Variants in NME9 observed in about 807,000 individuals in gnomAD.
NME9 encodes the protein thioredoxin domain-containing protein 6.
In NME9, 48 loss-of-function variants were observed where a neutral mutation model predicts 44.4. The ratio of observed to expected loss-of-function variants is 1.08; its 90% CI spans 0.86 to 1.37. The LOEUF (loss-of-function observed/expected upper bound fraction) is 1.37, where lower values mean the gene tolerates loss of function less well. NME9 is among the 40% of genes most tolerant of loss of function. NME9 has a pLI of 0.00. For synonymous variants in NME9, 139 were observed against 147.1 expected (o/e 0.94, Z 0.40); for missense variants, 325 against 405.2 (o/e 0.80, Z 1.70).
intron 7 of NME9, 126 bp from the exon 8 acceptor site, chr3:138,306,222 C>A (rs1353612377): frequency 1.4e-5 from 12 of 833,314 alleles, no homozygotes; most frequent in Non-Finnish European, 2.4e-5. Context: ...CACTGATCCC[C>A]ACATTATCTG....
intron 1 of NME9, among the ~76,000 whole-genome samples, chr3:138,326,594 C>T (rs915033445): frequency 6.6e-6 from 1 of 151,744 alleles, no homozygotes; most frequent in African/African-American, 2.4e-5. Context: ...CTACCACACC[C>T]GGGTAATTTT....
chr3:138,317,400 G>A (rs985939176), intron 4 of NME9, among the ~76,000 whole-genome samples: 1 of 152,192 alleles, frequency 6.6e-6, no homozygotes, highest in Admixed American at 6.5e-5. Flanking sequence ...CTACAATGAG[G>A]GGCTGGTCTC....
intron 8 of NME9, among the ~76,000 whole-genome samples, chr3:138,274,071 G>T (rs1560028856): frequency 6.6e-6 from 1 of 152,080 alleles, no homozygotes; most frequent in East Asian, 1.9e-4. Context: ...GCCCACCTCG[G>T]CCCCCCAAAG....
chr3:138,267,163 A>G, intron 8 of NME9: 2 of 1,559,912 alleles, frequency 1.3e-6, no homozygotes, highest in South Asian at 1.2e-5. Flanking sequence ...AGGTTTTACA[A>G]AATGCACCAG....
chr3:138,281,445 A>C (rs2049920190), intron 8 of NME9, among the ~76,000 whole-genome samples: 1 of 152,060 alleles, frequency 6.6e-6, no homozygotes, highest in Non-Finnish European at 1.5e-5. Flanking sequence ...GGCATGCGCC[A>C]CCACACCCAG....
At chr3:138,275,843 T>A (rs957881210) in intron 8 of NME9, among the ~76,000 whole-genome samples, 12 of 152,172 alleles carry the variant, frequency 7.9e-5, no homozygotes, top group Non-Finnish European at 1.3e-4. Context: ...TCTCTTAAAA[T>A]TTTTTTTAAA....
At chr3:138,275,477 T>C (rs142709978) in intron 8 of NME9, among the ~76,000 whole-genome samples, 2,383 of 152,118 alleles carry the variant, frequency 0.016, 27 homozygotes, top group Non-Finnish European at 0.025. Flanking sequence ...GAGAATGGCG[T>C]GAACCTGGGA....
chr3:138,299,967 C>T (rs2051755232), downstream of NME9, among the ~76,000 whole-genome samples: 1 of 152,158 alleles, frequency 6.6e-6, no homozygotes, highest in Non-Finnish European at 1.5e-5. Context: ...GTGTGGAAGC[C>T]CAGGCATAGG....
chr3:138,286,716 C>G lies in NME9; in HGVS notation c.745+16791G>C, dbSNP rs139157925. On this transcript the variant is annotated intron_variant, in intron 8 of 8. Coordinates refer to the NME9 transcript ENST00000317876. The stretch of plus-strand genomic sequence containing the variant: ...TTTTAAGATCACTGGGTGGTTCTTA[C>G]GTACAGACAGAGTTGAGAACCATTG... 1.6e-4 allele frequency among the ~76,000 whole-genome samples: 25 copies of G among 152,072 alleles called. No individual in the cohort carries two copies. The East Asian group carries it at 4.1e-3, about 25-fold the overall frequency.
intron 8 of NME9, among the ~76,000 whole-genome samples, chr3:138,280,800 G>A (rs1217323265): frequency 6.6e-6 from 1 of 151,584 alleles, no homozygotes; most frequent in Non-Finnish European, 1.5e-5. Flanking sequence ...CCAACTTTTT[G>A]TATTTTTAAT....
At chr3:138,280,253 CAGTTTTTGGTTTCATTGCCAAAGA>C (rs1305148764) in intron 8 of NME9, among the ~76,000 whole-genome samples, 1 of 131,200 alleles carries the variant, frequency 7.6e-6, no homozygotes, top group Non-Finnish European at 1.8e-5. Flanking sequence ...AGCAAAGAAT[CAGTTTTTGGTTTCATTGCCAAAGA>C]ATCAGTTTTT....
downstream of NME9, chr3:138,296,058 AT>A (rs1560068491): frequency 1.8e-5 from 10 of 566,672 alleles, no homozygotes; most frequent in South Asian, 9.3e-5. Context: ...TCTTGAGAAC[AT>A]TTTTTTGAGG....
intron 4 of NME9, among the ~76,000 whole-genome samples, chr3:138,316,694 A>G (rs969540587): frequency 6.6e-6 from 1 of 151,572 alleles, no homozygotes; most frequent in African/African-American, 2.4e-5. Flanking sequence ...GGCTCACTGC[A>G]ACCTCCGCCT....
chr3:138,281,780 C>A (rs1038200022), intron 8 of NME9, among the ~76,000 whole-genome samples: 1 of 152,174 alleles, frequency 6.6e-6, no homozygotes, highest in Non-Finnish European at 1.5e-5. Flanking sequence ...TCTGAGGGAT[C>A]TTCCCTGGAA....
intron 2 of NME9, among the ~76,000 whole-genome samples, chr3:138,322,453 A>G (rs2053527423): frequency 6.6e-6 from 1 of 151,640 alleles, no homozygotes; most frequent in Non-Finnish European, 1.5e-5. Context: ...CAGAGAAGCC[A>G]CATGGAAGGA....
chr3:138,301,200 C>CTTT lies in NME9; in HGVS notation c.*437_*439dup. On this transcript the variant is annotated 3_prime_UTR_variant, in exon 11 of 11. Transcript: ENST00000333911. ...AAGTATATACTATTCTCTTTCTTTA[C>CTTT]TTTTTTTTTTATTATTATTATTAAG... 4.1e-6 allele frequency: 3 copies of CTTT among 728,452 alleles called. No homozygotes were observed. The highest frequency in any genetic ancestry group is 5.0e-6 in the Non-Finnish European group (3 of 598,156). 45.1% of individuals were successfully genotyped at this position (728,452 alleles called of 1,614,324 possible).
At chr3:138,312,990 G>A (rs1413322422) in intron 6 of NME9, among the ~76,000 whole-genome samples, 1 of 152,212 alleles carries the variant, frequency 6.6e-6, no homozygotes, top group Admixed American at 6.5e-5. Context: ...AAAATGGCCA[G>A]TGGGTATATG....
chr3:138,288,980 C>A, intron 8 of NME9: 1 of 1,320,326 alleles, frequency 7.6e-7, no homozygotes, highest in Non-Finnish European at 1.1e-6. Context: ...ATGGTAGGTC[C>A]CCCCAAAAAA....
chr3:138,315,738 G>A, intron 4 of NME9, 95 bp from the exon 5 acceptor site: 2 of 993,006 alleles, frequency 2.0e-6, no homozygotes, highest in Non-Finnish European at 3.0e-6. Flanking sequence ...CCAAGTTCAA[G>A]GTCCCTCAAC....
Sources: allele counts gnomAD v4.1 joint callset (sites outside exome capture counted in the v4.1 genomes callset), GRCh38; gene constraint gnomAD v4.1.1; transcripts MANE v1.5; gene names NCBI Gene and HGNC (gene_info 2026-07-23, HGNC 2026-07-21).